The following RYR3 variants were observed in gnomAD, a reference collection of about 807,000 sequenced individuals.
RYR3 encodes ryanodine receptor 3, also known as brain ryanodine receptor-calcium release channel.
RYR3 carries 207 observed loss-of-function variants against 584.3 expected under a neutral mutation model. The observed-to-expected ratio is 0.35, with a 90% CI of 0.32 to 0.40. RYR3 has a LOEUF of 0.40. Among genes scored for constraint, RYR3 ranks in the 10% least tolerant of loss-of-function variants. The pLI, the probability that RYR3 is intolerant of heterozygous loss-of-function variation, is 1.00. For synonymous variants in RYR3, 2,416 were observed against 2,248.5 expected (o/e 1.07, Z -2.11); for missense variants, 5,616 against 6,089.2 (o/e 0.92, Z 2.59).
chr15:33,566,633 G>C, intron 11 of RYR3, 45 bp from the exon 12 acceptor site: 1 of 1,607,358 alleles, frequency 6.2e-7, no homozygotes, highest in South Asian at 1.1e-5. Flanking sequence ...GCCCATATGT[G>C]GAATAATTGT....
intron 1 of RYR3, among the ~76,000 whole-genome samples, chr15:33,349,353 A>T (rs1295221528): frequency 6.6e-6 from 1 of 152,138 alleles, no homozygotes; most frequent in Non-Finnish European, 1.5e-5. Flanking sequence ...AGAAACTGCC[A>T]AACTGTCTTC....
chr15:33,836,180 T>G (rs2078036730), intron 87 of RYR3, among the ~76,000 whole-genome samples: 1 of 34,938 alleles, frequency 2.9e-5, no homozygotes, highest in African/African-American at 9.2e-5. Flanking sequence ...TTATTATTTC[T>G]TTTCTTTCCT....
intron 3 of RYR3, among the ~76,000 whole-genome samples, chr15:33,510,890 T>C (rs1300146321): frequency 6.6e-6 from 1 of 152,196 alleles, no homozygotes; most frequent in Non-Finnish European, 1.5e-5. Context: ...TGGATTTTAA[T>C]GTTTCCCTGA....
chr15:33,450,112 G>T (rs78752942), intron 1 of RYR3, among the ~76,000 whole-genome samples: 1 of 36,880 alleles, frequency 2.7e-5, no homozygotes, highest in South Asian at 8.5e-4. Context: ...AAAAAAAAAA[G>T]CCGGCAACTG....
intron 1 of RYR3, among the ~76,000 whole-genome samples, chr15:33,382,691 C>T (rs187980182): frequency 2.3e-4 from 35 of 152,120 alleles, no homozygotes; most frequent in East Asian, 5.8e-4. Flanking sequence ...ATTCATATGA[C>T]GTAATCTTCA....
At chr15:33,519,121 G>A (rs1255714748) in intron 3 of RYR3, among the ~76,000 whole-genome samples, 4 of 152,104 alleles carry the variant, frequency 2.6e-5, no homozygotes, top group African/African-American at 7.2e-5. Flanking sequence ...TGGGGAGGGA[G>A]GTCTAGAATG....
At chr15:33,318,289 T>G (rs993425627) in intron 1 of RYR3, among the ~76,000 whole-genome samples, 15 of 152,234 alleles carry the variant, frequency 9.9e-5, no homozygotes. Context: ...AGTGTAGAGA[T>G]GAAAGTCTGG....
chr15:33,389,455 A>G (rs1039150564), intron 1 of RYR3, among the ~76,000 whole-genome samples: 7 of 152,330 alleles, frequency 4.6e-5, no homozygotes, highest in Non-Finnish European at 7.4e-5. Context: ...AGCAGCTGGC[A>G]TGTGGTAAGG....
chr15:33,849,183 C>G (rs189395195), intron 94 of RYR3: 19 of 152,256 alleles, frequency 1.2e-4, no homozygotes, highest in African/African-American at 4.6e-4. Context: ...GAGACCTCGT[C>G]TTAACGTAAG....
intron 19 of RYR3, among the ~76,000 whole-genome samples, chr15:33,618,240 T>G (rs1318908500): frequency 6.6e-6 from 1 of 152,224 alleles, no homozygotes; most frequent in Non-Finnish European, 1.5e-5. Flanking sequence ...ATAAATCTAT[T>G]TAATCATCTT....
At chr15:33,854,361 A>G (rs41279242) in intron 96 of RYR3, 28 bp from the exon 97 acceptor site, 21 of 1,541,296 alleles carry the variant, frequency 1.4e-5, no homozygotes, top group Non-Finnish European at 1.8e-5. Flanking sequence ...GACATTTATA[A>G]GTTTTAAAAT....
intron 1 of RYR3, among the ~76,000 whole-genome samples, chr15:33,374,364 A>G (rs997033790): frequency 9.7e-4 from 141 of 145,028 alleles, no homozygotes; most frequent in Non-Finnish European, 1.8e-3. Flanking sequence ...GTACGAGTGT[A>G]TGTGTGTGTG....
rs1454062811 is a variant in RYR3, at chr15:33,757,491, T to A, written c.8600T>A (p.Val2867Asp). The A allele has an allele frequency of 6.2e-7, 1 of 1,608,482 alleles. No homozygotes were observed. ...GTTTCCCAGGTTCTCCTCCCGCTGG[T>A]TGACCAGTACTTCACCAGTCATTGC... Reference protein sequence around the residue: ...KFFAKVLLPLVDQYFTSHCLY... With the variant: ...KFFAKVLLPLDDQYFTSHCLY... The change falls in exon 60 of 104, where the codon GTT becomes GAT. Residue 2867 changes from valine (V) to aspartate (D), a missense_variant. Physicochemically the swap from Val to Asp is radical, Grantham distance 152. Transcript: ENST00000634891.
intron 48 of RYR3, among the ~76,000 whole-genome samples, chr15:33,734,834 C>A (rs1218872918): frequency 6.6e-6 from 1 of 151,822 alleles, no homozygotes; most frequent in Non-Finnish European, 1.5e-5. Context: ...GGACTATAGG[C>A]ACCCGCCACC....
intron 1 of RYR3, among the ~76,000 whole-genome samples, chr15:33,359,783 TA>T (rs1412650391): frequency 6.6e-6 from 1 of 151,928 alleles, no homozygotes; most frequent in African/African-American, 2.4e-5. Flanking sequence ...CAAGCCTGGC[TA>T]ATTTTTTTTG....
intron 57 of RYR3, 39 bp downstream of exon 57, chr15:33,750,325 G>A (rs533283892): frequency 1.9e-6 from 3 of 1,600,810 alleles, no homozygotes; most frequent in Non-Finnish European, 2.6e-6. Context: ...GGACAGGGCT[G>A]TGCCTCCCTA....
intron 27 of RYR3, among the ~76,000 whole-genome samples, chr15:33,640,980 G>T (rs2061783787): frequency 6.6e-6 from 1 of 152,132 alleles, no homozygotes; most frequent in East Asian, 1.9e-4. Flanking sequence ...ACATGACCTT[G>T]CCCAGTAGGT....
chr15:33,566,040 A>G (rs2057697861), intron 11 of RYR3, among the ~76,000 whole-genome samples: 1 of 152,216 alleles, frequency 6.6e-6, no homozygotes, highest in Non-Finnish European at 1.5e-5. Flanking sequence ...ATCCAAAGCA[A>G]ATGGGGTTAA....
At position 33,667,888 on chromosome 15, in the gene RYR3, C is replaced by A. The variant is rs554908264; in HGVS notation, c.5620-1466C>A. Among the ~76,000 whole-genome samples the A allele has an allele frequency of 2.0e-5, 3 of 151,918 alleles. No homozygotes were observed. The East Asian group carries it at 5.8e-4, about 29-fold the overall frequency. ...ATCAGCCTGGCCAACATGGTGAAAC[C>A]CCATCTCTACTAAAAATACAAGAAA... On this transcript the variant is annotated intron_variant, in intron 36 of 103. Transcript: ENST00000634891.
Sources: gnomAD v4.1 joint callset for allele counts (sites outside exome capture counted in the v4.1 genomes callset) on GRCh38, gnomAD v4.1.1 for gene constraint, MANE v1.5 for transcripts, NCBI Gene and HGNC (gene_info 2026-07-23, HGNC 2026-07-21) for gene names.